The following KIAA0513 variants were observed in gnomAD, a reference collection of about 807,000 sequenced individuals.
KIAA0513 encodes uncharacterized protein KIAA0513.
A neutral mutation model predicts 56.5 loss-of-function variants in KIAA0513; 39 were observed. That is an observed-to-expected ratio of 0.69 (90% CI 0.53 to 0.90). The LOEUF (loss-of-function observed/expected upper bound fraction) is 0.90, where lower values mean the gene tolerates loss of function less well. Among genes scored for constraint, KIAA0513 ranks in the 40% least tolerant of loss-of-function variants. The pLI is 0.00. For synonymous variants in KIAA0513, 268 were observed against 215.6 expected (o/e 1.24, Z -2.13); for missense variants, 591 against 535.2 (o/e 1.10, Z -1.03).
intron 1 of KIAA0513, among the ~76,000 whole-genome samples, chr16:85,053,735 A>G (rs1019844226): frequency 1.1e-4 from 17 of 152,110 alleles, no homozygotes; most frequent in African/African-American, 3.6e-4. Flanking sequence ...GCTCACGCCT[A>G]TAATCCCAGC....
chr16:85,072,551 A>G (rs2073593171), intron 3 of KIAA0513, among the ~76,000 whole-genome samples: 1 of 151,916 alleles, frequency 6.6e-6, no homozygotes, highest in African/African-American at 2.4e-5. Context: ...TTTTTCATGG[A>G]AAAGTTAGAA....
intron 1 of KIAA0513, among the ~76,000 whole-genome samples, chr16:85,051,960 C>G (rs2073258615): frequency 6.6e-6 from 1 of 151,696 alleles, no homozygotes; most frequent in South Asian, 2.1e-4. Flanking sequence ...GGCCTCCTTT[C>G]ATGATTTTTT....
At position 85,092,701 on chromosome 16, in the gene KIAA0513, T is replaced by A. The variant is rs1241522658; in HGVS notation, c.*4376T>A. On this transcript the variant is annotated 3_prime_UTR_variant, in exon 13 of 13. Coordinates refer to ENST00000683363, the MANE Select transcript of KIAA0513 (RefSeq NM_001388359.1). ...AATCGTGTATTCATGTTGATGATTC[T>A]TGGAGATAGGTTTCACTTTTTCCCA... 6.6e-6 allele frequency: 1 copy of A among 152,252 alleles called. No individual in the cohort carries two copies. The highest frequency in any genetic ancestry group is 1.5e-5 in the Non-Finnish European group (1 of 68,070). 9.4% of individuals were successfully genotyped at this position (152,252 alleles called of 1,614,324 possible).
chr16:85,047,810 C>G (rs1005024958), intron 1 of KIAA0513, among the ~76,000 whole-genome samples: 2 of 152,192 alleles, frequency 1.3e-5, no homozygotes, highest in African/African-American at 4.8e-5. Context: ...TTAGTCCAGG[C>G]TGGGGATACC....
At chr16:85,060,081 C>T (rs1293632511) in intron 1 of KIAA0513, among the ~76,000 whole-genome samples, 1 of 152,202 alleles carries the variant, frequency 6.6e-6, no homozygotes, top group East Asian at 1.9e-4. Context: ...ATGCCTCAGA[C>T]TCCCGAGTAG....
chr16:85,069,115 C>T (rs1349652404), intron 2 of KIAA0513, among the ~76,000 whole-genome samples: 2 of 152,074 alleles, frequency 1.3e-5, no homozygotes, highest in African/African-American at 4.8e-5. Flanking sequence ...ACTGCAGCCT[C>T]CATCTCCTAG....
Position 85,081,376 on chromosome 16 carries a change from CG to C in KIAA0513, c.965del (p.Arg322HisfsTer22). 6.4e-7 allele frequency: 1 copy of C among 1,572,794 alleles called. No homozygotes were observed. Among genetic ancestry groups the C allele is most frequent in the Non-Finnish European group, 8.6e-7 (1 of 1,158,604 alleles). On this transcript the variant is annotated frameshift_variant, in exon 9 of 13. Transcript: ENST00000683363. LOFTEE classifies it high-confidence loss of function. This position sits in a 1 kb window ranked among gnomAD's most constrained non-coding sequence, Gnocchi z 4.4. ...FDAVHCERTKRSPTTRGDAGE... is the reference protein window; with the variant it reads ...FDAVHCERTKXSPTTRGDAGE... ...CGCTGTCCATTGTGAGAGGACAAAG[CG>C]ATCTCCCACTACCAGGTAGGAGCAA...
intron 10 of KIAA0513, among the ~76,000 whole-genome samples, chr16:85,082,829 G>A (rs559117884): frequency 1.6e-4 from 25 of 152,240 alleles, no homozygotes; most frequent in African/African-American, 1.2e-4. Context: ...GGAGCACTCC[G>A]AAATAGTCAG....
At chr16:85,040,779 C>T (rs767184416) in intron 1 of KIAA0513, among the ~76,000 whole-genome samples, 53 of 152,284 alleles carry the variant, frequency 3.5e-4, no homozygotes, top group Non-Finnish European at 6.8e-4. Context: ...AAAATTGGCT[C>T]CACTTGTAAA....
In KIAA0513 at chr16:85,088,400, C is replaced by T. The variant is rs2073833995; in HGVS notation, c.*75C>T. The T allele has an allele frequency of 7.5e-7, 1 of 1,326,330 alleles. No individual in the cohort carries two copies. Among genetic ancestry groups the T allele is most frequent in the South Asian group, 1.2e-5 (1 of 84,722 alleles). 82.2% of individuals were successfully genotyped at this position (1,326,330 alleles called of 1,614,324 possible). A position where few individuals can be genotyped will look rare whatever the true frequency, so the allele number is the denominator to read the frequency against. ...CCGGGCCCAGCGCCCGGCCGTCACC[C>T]CACCCGATGACCTGCATGAAGCCAG... is the stretch of plus-strand genomic sequence containing the variant. On this transcript the variant is annotated 3_prime_UTR_variant, in exon 13 of 13. Coordinates refer to ENST00000683363, the MANE Select transcript of KIAA0513 (RefSeq NM_001388359.1).
intron 1 of KIAA0513, among the ~76,000 whole-genome samples, chr16:85,029,909 G>C (rs1022834611): frequency 3.9e-5 from 6 of 152,326 alleles, no homozygotes; most frequent in African/African-American, 1.4e-4. Flanking sequence ...TGAGGAAACT[G>C]AGGCTGAGTG....
At chr16:85,035,180 A>G (rs545506090) in intron 1 of KIAA0513, among the ~76,000 whole-genome samples, 1 of 152,136 alleles carries the variant, frequency 6.6e-6, no homozygotes, top group Non-Finnish European at 1.5e-5. Context: ...TCTGTCCCCC[A>G]TTCCGTGGCA....
At chr16:85,045,089 G>T (rs2073153547) in intron 1 of KIAA0513, among the ~76,000 whole-genome samples, 1 of 152,088 alleles carries the variant, frequency 6.6e-6, no homozygotes, top group African/African-American at 2.4e-5. Context: ...CTGCACTGCA[G>T]CCTGGGGGAC....
rs375471650 is a variant in KIAA0513 at position 85,080,434 on chromosome 16, C to G, written c.903-881C>G. Among the ~76,000 whole-genome samples the G allele has an allele frequency of 4.6e-3, 698 of 152,254 alleles. 4 individuals are homozygous for G. Among genetic ancestry groups the G allele is most frequent in the African/African-American group, 0.015 (639 of 41,538 alleles). On this transcript the variant is annotated intron_variant, in intron 8 of 12. Coordinates refer to ENST00000683363, the MANE Select transcript of KIAA0513 (RefSeq NM_001388359.1). ...GCTTGTTCCAATAAAACTTTATTTA[C>G]AGAAACAAGCCACTGGCCCGCTTCA...
chr16:85,069,336 G>A (rs938163158), intron 2 of KIAA0513, among the ~76,000 whole-genome samples: 7 of 151,758 alleles, frequency 4.6e-5, no homozygotes, highest in African/African-American at 1.2e-4. Flanking sequence ...ACGACTCCCC[G>A]AAGTGCTGGG....
chr16:85,056,668 G>GC (rs1224790256), intron 1 of KIAA0513, among the ~76,000 whole-genome samples: 1 of 152,138 alleles, frequency 6.6e-6, no homozygotes, highest in African/African-American at 2.4e-5. Context: ...TACGGTGCTG[G>GC]CCCCCTCTGC....
In KIAA0513 at chr16:85,076,465, G is replaced by T. The variant is rs2073657291; in HGVS notation, c.574+551G>T. ...GTATGTTGGAGCTCAAGGGCTTCCT[G>T]CGTGAGTCTCCTTGGGCTGCAGCAA... On this transcript the variant is annotated intron_variant, in intron 5 of 12. Transcript: ENST00000683363. The surrounding 1 kb of genome is among the most constrained non-coding windows in gnomAD (Gnocchi z 4.7). Among the ~76,000 whole-genome samples, 1 of 152,158 alleles carries T rather than the reference G, an allele frequency of 6.6e-6. No individual in the cohort carries two copies. The highest frequency in any genetic ancestry group is 2.4e-5 in the African/African-American group (1 of 41,434).
Position 85,088,468 on chromosome 16 carries a change from GA to G in KIAA0513, c.*145del. ...CCTGCTGCCCTAGAACTAGCGGTTA[GA>G]AGAATCCGCTGTTCCTCCCTCATCT... On this transcript the variant is annotated 3_prime_UTR_variant, in exon 13 of 13. Coordinates refer to ENST00000683363, the MANE Select transcript of KIAA0513 (RefSeq NM_001388359.1). The G allele has an allele frequency of 1.5e-6, 1 of 662,058 alleles. No homozygotes were observed. Among genetic ancestry groups the G allele is most frequent in the South Asian group, 1.7e-5 (1 of 57,316 alleles). 41.0% of individuals were successfully genotyped at this position (662,058 alleles called of 1,614,324 possible).
In KIAA0513 at chr16:85,093,142, C is replaced by G. The variant is rs944606918; in HGVS notation, c.*4817C>G. 3.3e-5 allele frequency: 5 copies of G among 152,130 alleles called. No individual in the cohort carries two copies. Among genetic ancestry groups the G allele is most frequent in the African/African-American group, 1.2e-4 (5 of 41,360 alleles). The allele number at this position is 152,130 out of a possible 1,614,324, so 9.4% of individuals were successfully genotyped here. ...AGGGATTGGGTTTGTGTGGGTGTCT[C>G]TAGCCTGCAGAGTGCAGTGAGTGAG... On this transcript the variant is annotated 3_prime_UTR_variant, in exon 13 of 13. Transcript: ENST00000683363.
Sources: gnomAD v4.1 joint callset for allele counts (sites outside exome capture counted in the v4.1 genomes callset) on GRCh38, gnomAD v4.1.1 for gene constraint, Gnocchi (gnomAD v3.1) non-coding constraint, MANE v1.5 for transcripts, NCBI Gene and HGNC (gene_info 2026-07-23, HGNC 2026-07-21) for gene names.